EYS: variants seen among roughly 807,000 people sequenced by gnomAD.
EYS encodes the protein EGF-like photoreceptor maintenance factor, also known as protein eyes shut homolog.
EYS carries 250 observed loss-of-function variants against 282.1 expected under a neutral mutation model. That is an observed-to-expected ratio of 0.89 (90% CI 0.80 to 0.98). The LOEUF is 0.98. EYS is among the 50% of genes least tolerant of loss of function. The probability of loss-of-function intolerance (pLI) is 0.00; values close to 1 mark genes in which losing one functional copy is unlikely to be tolerated. For missense variants in EYS, 4,016 were observed against 3,709.0 expected (o/e 1.08, Z -2.15); for synonymous variants, 1,355 against 1,282.9 (o/e 1.06, Z -1.20).
At chr6:65,132,723 A>G (rs964021411) in intron 12 of EYS, among the ~76,000 whole-genome samples, 4 of 152,050 alleles carry the variant, frequency 2.6e-5, no homozygotes, top group Non-Finnish European at 5.9e-5. Flanking sequence ...TTAATCAGAC[A>G]AGAGAAATAA....
chr6:63,979,248 C>T (rs762647088), intron 35 of EYS, among the ~76,000 whole-genome samples: 1 of 152,004 alleles, frequency 6.6e-6, no homozygotes, highest in Middle Eastern at 3.4e-3. Context: ...TGCATTCCTG[C>T]TACAATAGGA....
At chr6:65,659,922 C>T (rs1424090499) in intron 1 of EYS, among the ~76,000 whole-genome samples, 1 of 151,620 alleles carries the variant, frequency 6.6e-6, no homozygotes, top group East Asian at 1.9e-4. Context: ...CAGATAACAG[C>T]TCTTGGAAGT....
intron 26 of EYS, among the ~76,000 whole-genome samples, chr6:64,496,259 T>C (rs554352501): frequency 6.6e-6 from 1 of 152,082 alleles, no homozygotes; most frequent in Non-Finnish European, 1.5e-5. Flanking sequence ...ATTGAGAAAG[T>C]AGCACAATTA....
intron 28 of EYS, among the ~76,000 whole-genome samples, chr6:64,404,333 A>T (rs2150438396): frequency 6.6e-6 from 1 of 151,376 alleles, no homozygotes; most frequent in Non-Finnish European, 1.5e-5. Context: ...CACACAAATT[A>T]TTTTTGTTCC....
intron 35 of EYS, among the ~76,000 whole-genome samples, chr6:63,901,831 A>C (rs1287842443): frequency 1.3e-5 from 2 of 152,048 alleles, no homozygotes; most frequent in Admixed American, 1.3e-4. Context: ...CCCTAATCCA[A>C]AAACCAGAAT....
At chr6:64,464,626 T>C (rs535361363) in intron 26 of EYS, among the ~76,000 whole-genome samples, 139 of 152,210 alleles carry the variant, frequency 9.1e-4, no homozygotes, top group African/African-American at 3.3e-3. Flanking sequence ...AAATTGGTAA[T>C]GTCTCTATAT....
At chr6:64,315,602 C>G (rs4513768) in intron 29 of EYS, among the ~76,000 whole-genome samples, 108,619 of 150,634 alleles carry the variant, frequency 0.72, 39,154 homozygotes, top group African/African-American at 0.8. Context: ...GGGATGCAAG[C>G]CTGGTTCAAC....
intron 31 of EYS, among the ~76,000 whole-genome samples, chr6:64,194,420 T>C (rs1456635795): frequency 6.6e-6 from 1 of 152,230 alleles, no homozygotes; most frequent in East Asian, 1.9e-4. Context: ...TTACTATTAA[T>C]AATTTATTTG....
intron 26 of EYS, among the ~76,000 whole-genome samples, chr6:64,530,381 G>C (rs1418328219): frequency 6.6e-6 from 1 of 151,724 alleles, no homozygotes; most frequent in Non-Finnish European, 1.5e-5. Flanking sequence ...CCTCTTTCTA[G>C]ACAGATACTC....
chr6:64,089,178 T>C (rs1199657733), intron 31 of EYS, among the ~76,000 whole-genome samples: 3 of 151,818 alleles, frequency 2.0e-5, no homozygotes, highest in African/African-American at 7.2e-5. Context: ...AATTTAAAAA[T>C]ATTACATTTT....
intron 33 of EYS, among the ~76,000 whole-genome samples, chr6:64,028,679 C>T (rs546166818): frequency 4.6e-5 from 7 of 152,302 alleles, no homozygotes; most frequent in African/African-American, 1.7e-4. Flanking sequence ...TTAGGGATAG[C>T]CCTCATCTGT....
intron 16 of EYS, among the ~76,000 whole-genome samples, chr6:64,910,463 T>C (rs1009036300): frequency 4.6e-5 from 7 of 152,028 alleles, no homozygotes; most frequent in Non-Finnish European, 8.8e-5. Context: ...TACTCCACAA[T>C]TAGGTTTAGA....
intron 14 of EYS, among the ~76,000 whole-genome samples, chr6:64,971,252 A>T (rs1562281542): frequency 6.6e-6 from 1 of 152,106 alleles, no homozygotes; most frequent in East Asian, 1.9e-4. Flanking sequence ...TCACTGAGGA[A>T]AAATGATATT....
intron 28 of EYS, among the ~76,000 whole-genome samples, chr6:64,413,167 T>A (rs1773956439): frequency 1.3e-5 from 2 of 152,078 alleles, no homozygotes; most frequent in South Asian, 2.1e-4. Flanking sequence ...AGATTAGATA[T>A]TTATCCCCTC....
At chr6:64,532,347 G>A (rs1301351213) in intron 26 of EYS, among the ~76,000 whole-genome samples, 2 of 152,222 alleles carry the variant, frequency 1.3e-5, no homozygotes, top group Non-Finnish European at 2.9e-5. Context: ...CTGAGAACCA[G>A]TCTACCTGCA....
At chr6:64,994,674 C>T (rs1398382337) in intron 14 of EYS, among the ~76,000 whole-genome samples, 2 of 152,120 alleles carry the variant, frequency 1.3e-5, no homozygotes, top group East Asian at 3.9e-4. Context: ...TTAGTAAAAG[C>T]AAGTAAATAT....
chr6:65,019,208 G>A (rs1269732211), intron 13 of EYS, among the ~76,000 whole-genome samples: 1 of 151,860 alleles, frequency 6.6e-6, no homozygotes, highest in Non-Finnish European at 1.5e-5. Flanking sequence ...GTGAATCTAG[G>A]TACCACCATA....
intron 2 of EYS, among the ~76,000 whole-genome samples, chr6:65,583,733 C>T (rs1324729925): frequency 6.6e-6 from 1 of 151,940 alleles, no homozygotes; most frequent in Non-Finnish European, 1.5e-5. Flanking sequence ...GCAATTGGAC[C>T]TTCCTATTAT....
chr6:65,506,439 T>C (rs965618122), intron 2 of EYS, among the ~76,000 whole-genome samples: 4 of 149,724 alleles, frequency 2.7e-5, no homozygotes, highest in African/African-American at 7.3e-5. Context: ...TCCTGAGGTT[T>C]ACAATATCCT....
Sources: gnomAD v4.1 joint callset for allele counts (sites outside exome capture counted in the v4.1 genomes callset) on GRCh38, gnomAD v4.1.1 for gene constraint, MANE v1.5 for transcripts, NCBI Gene and HGNC (gene_info 2026-07-23, HGNC 2026-07-21) for gene names.